Variants in FGFR2 observed in about 807,000 individuals in gnomAD.
FGFR2 encodes the protein fibroblast growth factor receptor 2, also known as BEK fibroblast growth factor receptor.
A neutral mutation model predicts 95.9 loss-of-function variants in FGFR2; 19 were observed. The observed-to-expected ratio is 0.20, with a 90% CI of 0.14 to 0.29. The LOEUF is 0.29. Ranked by LOEUF, FGFR2 falls within the 10% of genes least tolerant of loss-of-function variation. The pLI is 1.00. For missense variants in FGFR2, 707 were observed against 1,056.9 expected, an observed-to-expected ratio of 0.67 and a Z score of 4.59; for synonymous variants, 392 against 393.3, an observed-to-expected ratio of 1.00 and a Z score of 0.04.
chr10:121,559,444 C>T (rs573375475), intron 4 of FGFR2, among the ~76,000 whole-genome samples: 4 of 152,354 alleles, frequency 2.6e-5, no homozygotes, highest in African/African-American at 9.6e-5. Flanking sequence ...TCTGTCCACA[C>T]AGACCACAGC....
At chr10:121,583,675 C>A (rs1305582123) in intron 2 of FGFR2, 1 of 153,310 alleles carries the variant, frequency 6.5e-6, no homozygotes, top group Non-Finnish European at 1.5e-5. Flanking sequence ...GAGAAAGAAA[C>A]AGAATCAACC....
intron 17 of FGFR2, 73 bp from the exon 18 acceptor site, chr10:121,480,094 T>G (rs755431027): frequency 2.9e-6 from 4 of 1,376,974 alleles, no homozygotes; most frequent in Non-Finnish European, 1.0e-6. Context: ...TTCGAGAGGC[T>G]GACTGAGGTC....
chr10:121,510,512 A>G (rs1019987310), intron 9 of FGFR2, among the ~76,000 whole-genome samples: 4 of 152,178 alleles, frequency 2.6e-5, no homozygotes, highest in African/African-American at 9.7e-5. Flanking sequence ...ACCAAAATAC[A>G]GAGAATATTC....
intron 9 of FGFR2, among the ~76,000 whole-genome samples, chr10:121,505,478 A>AAATGTTTT (rs1438574469): frequency 4.6e-5 from 7 of 152,214 alleles, no homozygotes; most frequent in Non-Finnish European, 1.0e-4. Context: ...TGTATGGTCA[A>AAATGTTTT]AATGTTTTAA....
intron 6 of FGFR2, among the ~76,000 whole-genome samples, chr10:121,523,708 CATGT>C (rs1850884678): frequency 6.6e-6 from 1 of 152,168 alleles, no homozygotes; most frequent in Non-Finnish European, 1.5e-5. Context: ...CTTGTACATG[CATGT>C]GTGTGTGTAG....
At position 121,556,433 on chromosome 10, in the gene FGFR2, C is replaced by CTCTCTCTCTCTCTCTCTCTA. The variant is rs60584824; in HGVS notation, c.455-4975_455-4974insTAGAGAGAGAGAGAGAGAGA. On this transcript the variant is annotated intron_variant, in intron 4 of 17. Transcript: ENST00000358487. The stretch of plus-strand genomic sequence containing the variant: ...TCTCTCTCTCTCTCTCTCTCTCTCT[C>CTCTCTCTCTCTCTCTCTCTA]TGGAACCAAAAAACAGAGAACACGG... Among the ~76,000 whole-genome samples, 193 of 140,686 alleles carry CTCTCTCTCTCTCTCTCTCTA rather than the reference C, an allele frequency of 1.4e-3. 5 individuals are homozygous for CTCTCTCTCTCTCTCTCTCTA. The highest frequency in any genetic ancestry group is 4.9e-3 in the African/African-American group (183 of 37,202). 92.3% of individuals were successfully genotyped at this position (140,686 alleles called of 152,430 possible). A position where few individuals can be genotyped will look rare whatever the true frequency, so the allele number is the denominator to read the frequency against.
intron 2 of FGFR2, among the ~76,000 whole-genome samples, chr10:121,591,011 A>T (rs12264133): frequency 0.039 from 5,614 of 144,378 alleles, 138 homozygotes; most frequent in African/African-American, 0.055. Context: ...ACACACGCAC[A>T]CTCTCTCTCT....
chr10:121,496,137 A>G (rs552996731), intron 13 of FGFR2, among the ~76,000 whole-genome samples: 2 of 152,206 alleles, frequency 1.3e-5, no homozygotes, highest in African/African-American at 2.4e-5. Flanking sequence ...CTAAACACCT[A>G]AAGTCTATGT....
At chr10:121,584,973 ACCC>A (rs1347570553) in intron 2 of FGFR2, among the ~76,000 whole-genome samples, 1 of 127,826 alleles carries the variant, frequency 7.8e-6, no homozygotes, top group Non-Finnish European at 1.6e-5. Context: ...TCCATCCCGC[ACCC>A]CACCCCAACC....
chr10:121,589,882 CAG>C (rs1047244384), intron 2 of FGFR2, among the ~76,000 whole-genome samples: 4 of 152,176 alleles, frequency 2.6e-5, no homozygotes, highest in Admixed American at 2.6e-4. Context: ...TAATACGAAA[CAG>C]AAGATTATTT....
chr10:121,480,131 A>G (rs772191546), intron 17 of FGFR2, 110 bp from the exon 18 acceptor site: 2 of 1,168,258 alleles, frequency 1.7e-6, no homozygotes, highest in Non-Finnish European at 1.3e-6. Context: ...AAGGGAAGAG[A>G]AGAGTTTTAT....
At position 121,504,934 on chromosome 10, in the gene FGFR2, C is replaced by T. The variant is rs74160618; in HGVS notation, c.1288-993G>A. ...GCTTGAACACTGTCTTATTCTAAACCATGAACAAGACTTTGGCCCAAGAGA... is the reference window on the plus strand; with the variant it reads ...GCTTGAACACTGTCTTATTCTAAACTATGAACAAGACTTTGGCCCAAGAGA... On this transcript the variant is annotated intron_variant, in intron 9 of 17. Transcript: ENST00000358487. Among the ~76,000 whole-genome samples the T allele has an allele frequency of 8.5e-3, 1,287 of 152,294 alleles. 16 individuals are homozygous for T. The highest frequency in any genetic ancestry group is 0.03 in the African/African-American group (1,236 of 41,550).
rs145303463 is a variant in FGFR2 at position 121,519,968 on chromosome 10, A to G, written c.939+11T>C. 3.6e-4 allele frequency: 585 copies of G among 1,614,148 alleles called. 3 individuals carry two copies. The African/African-American group carries it at 5.2e-3, about 14-fold the overall frequency. On this transcript the variant is annotated intron_variant, in intron 7 of 17. Coordinates refer to ENST00000358487, the MANE Select transcript of FGFR2 (RefSeq NM_000141.5). ...CAGTTGTGGGTACCTTTAGATTCAG[A>G]AAGTCCTCACCTTGAGAACCTTGAG... is the stretch of plus-strand genomic sequence containing the variant.
chr10:121,571,231 G>A (rs1388375359), intron 2 of FGFR2, among the ~76,000 whole-genome samples: 3 of 148,796 alleles, frequency 2.0e-5, no homozygotes, highest in Admixed American at 6.8e-5. Flanking sequence ...TCCTCACCTC[G>A]TGATACGCCC....
intron 4 of FGFR2, among the ~76,000 whole-genome samples, chr10:121,556,039 T>C (rs2099579616): frequency 6.6e-6 from 1 of 152,040 alleles, no homozygotes; most frequent in Admixed American, 6.6e-5. Flanking sequence ...CCAACAACAG[T>C]AGGGCACCTG....
intron 6 of FGFR2, among the ~76,000 whole-genome samples, chr10:121,524,693 G>T (rs899748276): frequency 6.6e-6 from 1 of 152,226 alleles, no homozygotes; most frequent in Non-Finnish European, 1.5e-5. Flanking sequence ...AAAAACCGAG[G>T]TGATGGCAGG....
At chr10:121,571,462 A>G (rs1858711098) in intron 2 of FGFR2, among the ~76,000 whole-genome samples, 4 of 150,966 alleles carry the variant, frequency 2.6e-5, no homozygotes, top group Admixed American at 2.6e-4. Context: ...CACGCCTGGG[A>G]ATTTTGTTGT....
intron 14 of FGFR2, 122 bp from the exon 15 acceptor site, chr10:121,487,546 G>C: frequency 1.3e-6 from 1 of 789,876 alleles, no homozygotes; most frequent in Non-Finnish European, 2.2e-6. Context: ...TCAGTCAATA[G>C]AGCAGAAATC....
chr10:121,498,510 C>T lies in FGFR2; in HGVS notation c.1657G>A (p.Ala553Thr). ...KHKNIINLLG[A>T]CTQDGPLYVI... is the part of the protein sequence containing the mutation. ...TCCTACTCACCATCCTGTGTGCAGG[C>T]TCCAAGAAGATTTATGATATTCTTG... Residue 553 changes from alanine to threonine, a missense_variant, in exon 12 of 18, where the codon GCC (alanine) becomes ACC (threonine). Coordinates refer to ENST00000358487, the MANE Select transcript of FGFR2 (RefSeq NM_000141.5). 1 of 1,608,648 alleles carries T rather than the reference C, an allele frequency of 6.2e-7. No individual in the cohort carries two copies. The highest frequency in any genetic ancestry group is 8.5e-7 in the Non-Finnish European group (1 of 1,175,004).
Sources: allele counts gnomAD v4.1 joint callset (sites outside exome capture counted in the v4.1 genomes callset), GRCh38; gene constraint gnomAD v4.1.1; transcripts MANE v1.5; gene names NCBI Gene and HGNC (gene_info 2026-07-23, HGNC 2026-07-21).